The following KLRD1 variants were observed in gnomAD, a reference collection of about 807,000 sequenced individuals.
KLRD1 encodes killer cell lectin like receptor D1.
A neutral mutation model predicts 22.6 loss-of-function variants in KLRD1; 21 were observed. The observed-to-expected ratio is 0.93, with a 90% CI of 0.66 to 1.34. The LOEUF (loss-of-function observed/expected upper bound fraction) is 1.34, where lower values mean the gene tolerates loss of function less well. Ranked by LOEUF, KLRD1 falls within the 40% of genes most tolerant of loss-of-function variation. KLRD1 has a pLI of 0.00. For synonymous variants in KLRD1, 59 were observed against 71.1 expected, an observed-to-expected ratio of 0.83 and a Z score of 0.85; for missense variants, 183 against 208.6, an observed-to-expected ratio of 0.88 and a Z score of 0.76.
chr12:10,272,699 G>C (rs1298632464), intron 1 of KLRD1, among the ~76,000 whole-genome samples: 2 of 152,122 alleles, frequency 1.3e-5, no homozygotes, highest in Non-Finnish European at 2.9e-5. Flanking sequence ...TTAATATTGC[G>C]ACATCAGAGA....
At position 10,243,631 on chromosome 12, in the gene KLRD1, A is replaced by AAAAAAAAAAAAAAAAAAAAAAAAG. The variant is rs771543645; in HGVS notation, c.-101+17400_-101+17401insAAAAAAAAAAAAAAAAAAAAAGAA. Among the ~76,000 whole-genome samples, 15 of 118,774 alleles carry AAAAAAAAAAAAAAAAAAAAAAAAG rather than the reference A, an allele frequency of 1.3e-4. 1 individual carries two copies. The highest frequency in any genetic ancestry group is 3.7e-4 in the African/African-American group (9 of 24,118). The allele number at this position is 118,774 out of a possible 152,430, so 77.9% of individuals were successfully genotyped here. ...CCAAAAAAAAAAAAAAAAAAAAAAAAAACCGAAATGAAAGATATGGAACAA... is the reference window on the plus strand; with the variant it reads ...CCAAAAAAAAAAAAAAAAAAAAAAAAAAAAAAAAAAAAAAAAAAAAAAAGAACCGAAATGAAAGATATGGAACAA... On this transcript the variant is annotated intron_variant, in intron 1 of 5. Transcript: ENST00000544747.
Position 10,282,960 on chromosome 12 carries a change from A to T in KLRD1, c.-100-25018A>T, listed in dbSNP as rs79710830. On this transcript the variant is annotated intron_variant, in intron 1 of 5. Transcript: ENST00000544747. ...ACAGAGAAATTGTCAGGGAAACAAG[A>T]GTGTAGTAGATATTATTCAAGGTAG... Among the ~76,000 whole-genome samples, 596 of 152,320 alleles carry T rather than the reference A, an allele frequency of 3.9e-3. 19 individuals are homozygous for T. The East Asian group carries it at 0.068, about 17-fold the overall frequency.
chr12:10,247,587 G>C (rs1464826281), intron 1 of KLRD1, among the ~76,000 whole-genome samples: 1 of 151,896 alleles, frequency 6.6e-6, no homozygotes, highest in Non-Finnish European at 1.5e-5. Flanking sequence ...ATCTAATTTA[G>C]TGAGTCTAAG....
At chr12:10,254,520 A>G (rs74426506) in intron 1 of KLRD1, among the ~76,000 whole-genome samples, 5,196 of 152,074 alleles carry the variant, frequency 0.034, 322 homozygotes, top group African/African-American at 0.12. Flanking sequence ...GCACCTGACA[A>G]AGGACTAATG....
chr12:10,286,966 C>T (rs1037607266), intron 1 of KLRD1, among the ~76,000 whole-genome samples: 19 of 152,104 alleles, frequency 1.2e-4, no homozygotes, highest in African/African-American at 4.3e-4. Flanking sequence ...GGCAAAACCC[C>T]ATTTCTACTA....
rs796824558 is a variant in KLRD1, at chr12:10,307,937, A to G, written c.-141A>G. The G allele has an allele frequency of 1.8e-5, 13 of 726,032 alleles. No homozygotes were observed. The highest frequency in any genetic ancestry group is 8.8e-5 in the African/African-American group (5 of 56,544). 45.0% of individuals were successfully genotyped at this position (726,032 alleles called of 1,614,324 possible). A position where few individuals can be genotyped will look rare whatever the true frequency, so the allele number is the denominator to read the frequency against. On this transcript the variant is annotated 5_prime_UTR_variant, in exon 1 of 6. Coordinates refer to ENST00000336164, the MANE Select transcript of KLRD1 (RefSeq NM_002262.5). ...ACATCATTTAAATACACAATTTTTC[A>G]TTCTCTATTTTTGCTAAATTTCTTC...
chr12:10,306,507 T>C (rs530352459), upstream of KLRD1, among the ~76,000 whole-genome samples: 4 of 152,330 alleles, frequency 2.6e-5, no homozygotes, highest in South Asian at 2.1e-4. Flanking sequence ...CATTCTGTCA[T>C]AAATTTGTAC....
rs1950351622 is a variant in KLRD1 at position 10,325,422 on chromosome 12, A to T, written c.*10629A>T. 6.6e-6 allele frequency: 1 copy of T among 152,168 alleles called. No homozygotes were observed. The highest frequency in any genetic ancestry group is 1.5e-5 in the Non-Finnish European group (1 of 67,996). The allele number at this position is 152,168 out of a possible 1,614,324, so 9.4% of individuals were successfully genotyped here. A position where few individuals can be genotyped will look rare whatever the true frequency, so the allele number is the denominator to read the frequency against. ...CTTAACAAATTTTCAAGTCTACAGT[A>T]CAGTATTATTAACAATAGGTACAAT... On this transcript the variant is annotated 3_prime_UTR_variant, in exon 6 of 6. Transcript: ENST00000336164.
At chr12:10,282,692 A>G (rs1438436412) in intron 1 of KLRD1, among the ~76,000 whole-genome samples, 1 of 152,216 alleles carries the variant, frequency 6.6e-6, no homozygotes, top group Non-Finnish European at 1.5e-5. Flanking sequence ...AATATTGTAG[A>G]GCATACATAA....
intron 1 of KLRD1, among the ~76,000 whole-genome samples, chr12:10,272,775 C>G (rs914534798): frequency 6.6e-6 from 1 of 152,150 alleles, no homozygotes; most frequent in African/African-American, 2.4e-5. Context: ...AGATAATGTA[C>G]TCTTACAAAT....
At chr12:10,306,157 C>T (rs565875688), upstream of KLRD1, among the ~76,000 whole-genome samples, 7 of 141,710 alleles carry the variant, frequency 4.9e-5, no homozygotes, top group Admixed American at 2.9e-4. Context: ...ACAGAGACTC[C>T]ATCTCAAAAA....
At chr12:10,307,717 A>G (rs1355014755), upstream of KLRD1, 1 of 181,868 alleles carries the variant, frequency 5.5e-6, no homozygotes, top group African/African-American at 2.3e-5. Context: ...TGATTTTCAA[A>G]CAATAAAAAA....
At chr12:10,265,358 T>G (rs1279691620) in intron 1 of KLRD1, among the ~76,000 whole-genome samples, 1 of 152,234 alleles carries the variant, frequency 6.6e-6, no homozygotes, top group East Asian at 1.9e-4. Context: ...CTCACAGCTT[T>G]ATTTCTAGAA....
chr12:10,273,266 T>C (rs1031845879), intron 1 of KLRD1, among the ~76,000 whole-genome samples: 5 of 152,142 alleles, frequency 3.3e-5, no homozygotes, highest in Admixed American at 3.3e-4. Flanking sequence ...ATACATTAAG[T>C]GGAAAAAAGT....
intron 1 of KLRD1, among the ~76,000 whole-genome samples, chr12:10,264,682 C>CTGTGTGTGTGTGTGTGTGTGTGTGTG (rs1288838996): frequency 1.5e-4 from 23 of 149,764 alleles, no homozygotes; most frequent in African/African-American, 5.1e-4. Context: ...TAGTTACCTT[C>CTGTGTGTGTGTGTGTGTGTGTGTGTG]TGTGTGTGTG....
At chr12:10,314,480 A>G (rs1218901278) in intron 5 of KLRD1, among the ~76,000 whole-genome samples, 193 bp from the exon 6 acceptor site, 1 of 152,212 alleles carries the variant, frequency 6.6e-6, no homozygotes, top group Non-Finnish European at 1.5e-5. Context: ...GCTATTGATT[A>G]GTGAGAAAAT....
intron 1 of KLRD1, among the ~76,000 whole-genome samples, chr12:10,284,559 G>A (rs12372618): frequency 0.17 from 25,283 of 152,196 alleles, 2,727 homozygotes; most frequent in Non-Finnish European, 0.24. Context: ...AAATATTAAT[G>A]TGCTGGGTTA....
chr12:10,247,161 G>C (rs1949300688), intron 1 of KLRD1, among the ~76,000 whole-genome samples: 1 of 151,912 alleles, frequency 6.6e-6, no homozygotes, highest in Non-Finnish European at 1.5e-5. Flanking sequence ...TTGAACTCCT[G>C]ACCTCAGGGG....
At chr12:10,308,432 G>C in intron 1 of KLRD1, 1 of 258,290 alleles carries the variant, frequency 3.9e-6, no homozygotes, top group Non-Finnish European at 7.5e-6. Flanking sequence ...TGCTGAAAAG[G>C]TTTTAATTGA....
Sources: allele counts gnomAD v4.1 joint callset (sites outside exome capture counted in the v4.1 genomes callset), GRCh38; gene constraint gnomAD v4.1.1; transcripts MANE v1.5; gene names NCBI Gene and HGNC (gene_info 2026-07-23, HGNC 2026-07-21).